CALN1: variants seen among roughly 807,000 people sequenced by gnomAD.
The protein encoded by CALN1 is calneuron 1.
A neutral mutation model predicts 30.6 loss-of-function variants in CALN1; 17 were observed. The ratio of observed to expected loss-of-function variants is 0.56; its 90% CI spans 0.38 to 0.83. The LOEUF (loss-of-function observed/expected upper bound fraction) is 0.83. Among genes scored for constraint, CALN1 ranks in the 40% least tolerant of loss-of-function variants. CALN1 has a pLI of 0.00. For synonymous variants in CALN1, 156 were observed against 131.4 expected (o/e 1.19, Z -1.28); for missense variants, 291 against 354.9 (o/e 0.82, Z 1.45).
chr7:72,377,225 T>C (rs1315326442), intron 2 of CALN1, among the ~76,000 whole-genome samples: 1 of 152,188 alleles, frequency 6.6e-6, no homozygotes. Context: ...CAAAGGCAGT[T>C]AGAATTTTGA....
At chr7:71,823,457 C>G (rs1033691912) in intron 5 of CALN1, among the ~76,000 whole-genome samples, 1 of 152,190 alleles carries the variant, frequency 6.6e-6, no homozygotes, top group Non-Finnish European at 1.5e-5. Context: ...CGGTGGCTCA[C>G]GCCTGTAATC....
chr7:71,932,981 G>C (rs1423032854), intron 5 of CALN1, among the ~76,000 whole-genome samples: 5 of 152,128 alleles, frequency 3.3e-5, no homozygotes, highest in African/African-American at 9.7e-5. Context: ...TAGGCAGATA[G>C]TGAGGGTACA....
At chr7:72,189,237 A>C (rs34801868) in intron 3 of CALN1, among the ~76,000 whole-genome samples, 37,794 of 152,036 alleles carry the variant, frequency 0.25, 5,924 homozygotes, top group East Asian at 0.68. Context: ...TTTGGGGTTG[A>C]TGTCAGGGAG....
intron 4 of CALN1, among the ~76,000 whole-genome samples, chr7:72,102,470 G>A (rs1299773862): frequency 2.0e-5 from 3 of 151,952 alleles, no homozygotes; most frequent in African/African-American, 7.3e-5. Context: ...ACACTACAAA[G>A]TTGTATTTTT....
intron 1 of CALN1, among the ~76,000 whole-genome samples, chr7:72,419,711 G>GAAAAGA (rs1049098067): frequency 2.0e-5 from 3 of 152,170 alleles, no homozygotes; most frequent in Non-Finnish European, 4.4e-5. Flanking sequence ...CATAAAAAGA[G>GAAAAGA]AAAAGAGCAA....
chr7:71,814,410 G>A (rs979227959), intron 5 of CALN1, among the ~76,000 whole-genome samples: 1 of 152,210 alleles, frequency 6.6e-6, no homozygotes, highest in African/African-American at 2.4e-5. Context: ...TGAGTCTGGT[G>A]TTATAACTGG....
chr7:71,826,864 T>C (rs957766109), intron 5 of CALN1, among the ~76,000 whole-genome samples: 2 of 152,124 alleles, frequency 1.3e-5, no homozygotes, highest in African/African-American at 2.4e-5. Flanking sequence ...TTTATAGAGA[T>C]GGGTGGTCTT....
At chr7:72,294,750 TAATAAATAAATA>T (rs58274123) in intron 2 of CALN1, among the ~76,000 whole-genome samples, 9 of 147,838 alleles carry the variant, frequency 6.1e-5, no homozygotes, top group Admixed American at 2.7e-4. Context: ...TCTAAAAAAG[TAATAAATAAATA>T]AATAAATAAA....
chr7:71,794,352 T>C (rs1176249667), intron 6 of CALN1, among the ~76,000 whole-genome samples: 2 of 152,212 alleles, frequency 1.3e-5, no homozygotes, highest in African/African-American at 4.8e-5. Context: ...TGGTAATTAT[T>C]GAAGGTTATC....
At chr7:72,452,196 G>A in the CALN1 span, among the ~76,000 whole-genome samples, 1 of 152,098 alleles carries the variant, frequency 6.6e-6, no homozygotes, top group Non-Finnish European at 1.5e-5. Context: ...GAGGTTATTA[G>A]AGAACTGGAG....
At chr7:72,389,940 G>T (rs928967780) in intron 2 of CALN1, among the ~76,000 whole-genome samples, 4 of 146,886 alleles carry the variant, frequency 2.7e-5, no homozygotes, top group Admixed American at 6.8e-5. Context: ...AAAAAAAAAA[G>T]AAGAAAGAAA....
intron 4 of CALN1, among the ~76,000 whole-genome samples, chr7:72,048,038 C>CTTTTTTT (rs35051822): frequency 7.3e-6 from 1 of 137,322 alleles, no homozygotes; most frequent in Non-Finnish European, 1.5e-5. Flanking sequence ...TCTTCTTCTT[C>CTTTTTTT]TTCTTTTTTT....
chr7:72,383,393 G>A (rs137934166), intron 2 of CALN1, among the ~76,000 whole-genome samples: 8 of 152,244 alleles, frequency 5.3e-5, no homozygotes, highest in South Asian at 2.1e-4. Context: ...GTGTATGAGC[G>A]TTCCCTTTTC....
intron 3 of CALN1, among the ~76,000 whole-genome samples, chr7:72,203,455 C>A (rs959433740): frequency 3.3e-5 from 5 of 152,136 alleles, no homozygotes; most frequent in African/African-American, 1.2e-4. Flanking sequence ...CAAACTCCGG[C>A]AGGTTTGGGG....
chr7:71,906,533 A>C (rs948378940), intron 5 of CALN1, among the ~76,000 whole-genome samples: 9 of 152,168 alleles, frequency 5.9e-5, no homozygotes, highest in African/African-American at 2.2e-4. Flanking sequence ...GGACGGGCTC[A>C]TTCATTGACA....
intron 3 of CALN1, among the ~76,000 whole-genome samples, chr7:72,217,885 C>T (rs549283304): frequency 2.6e-5 from 3 of 114,918 alleles, no homozygotes; most frequent in South Asian, 3.1e-4. Context: ...CTGTTTCATG[C>T]GGGCTGGACT....
At chr7:72,084,170 T>C (rs1805332872) in intron 4 of CALN1, among the ~76,000 whole-genome samples, 2 of 151,750 alleles carry the variant, frequency 1.3e-5, no homozygotes, top group South Asian at 2.1e-4. Context: ...GATCACGCCA[T>C]TGCACTCCAG....
chr7:72,216,556 A>G (rs1179913838), intron 3 of CALN1, among the ~76,000 whole-genome samples: 1 of 152,144 alleles, frequency 6.6e-6, no homozygotes, highest in African/African-American at 2.4e-5. Flanking sequence ...AGGGAGGTGG[A>G]GAAGAGTCAG....
intron 6 of CALN1, among the ~76,000 whole-genome samples, chr7:71,806,642 A>C (rs1001586159): frequency 6.6e-6 from 1 of 152,194 alleles, no homozygotes; most frequent in Admixed American, 6.5e-5. Flanking sequence ...GAACAGTATA[A>C]AACATTAAGT....
Sources: gnomAD v4.1 joint callset for allele counts (sites outside exome capture counted in the v4.1 genomes callset) on GRCh38, gnomAD v4.1.1 for gene constraint, MANE v1.5 for transcripts, NCBI Gene and HGNC (gene_info 2026-07-23, HGNC 2026-07-21) for gene names.